TCF12: variants seen among roughly 807,000 people sequenced by gnomAD.
TCF12 encodes DNA-binding protein HTF4.
Under a neutral mutation model 86.0 loss-of-function variants are expected in TCF12, and 45 were observed. The ratio of observed to expected loss-of-function variants is 0.52; its 90% CI spans 0.41 to 0.67. The LOEUF is 0.67. Ranked by LOEUF, TCF12 falls within the 30% of genes least tolerant of loss-of-function variation. TCF12 has a pLI of 0.00. For synonymous variants in TCF12, 330 were observed against 299.6 expected (o/e 1.10, Z -1.05); for missense variants, 881 against 859.9 (o/e 1.02, Z -0.31).
At chr15:57,167,635 A>C (rs1416282462) in intron 6 of TCF12, among the ~76,000 whole-genome samples, 2 of 152,082 alleles carry the variant, frequency 1.3e-5, no homozygotes, top group Non-Finnish European at 2.9e-5. Flanking sequence ...GAGAGAGAAA[A>C]TAAATATATT....
chr15:57,173,985 C>T (rs769424147), intron 6 of TCF12, among the ~76,000 whole-genome samples: 3 of 152,044 alleles, frequency 2.0e-5, no homozygotes, highest in Admixed American at 6.6e-5. Context: ...GAATTACAGG[C>T]GTGAGCCACT....
intron 6 of TCF12, among the ~76,000 whole-genome samples, chr15:57,177,534 G>A (rs1336045611): frequency 6.6e-6 from 1 of 150,792 alleles, no homozygotes; most frequent in Non-Finnish European, 1.5e-5. Flanking sequence ...GCCTCTCAAA[G>A]TGTTGGGATT....
intron 5 of TCF12, among the ~76,000 whole-genome samples, chr15:57,157,605 C>G (rs1337264512): frequency 1.3e-5 from 2 of 150,972 alleles, no homozygotes; most frequent in African/African-American, 4.9e-5. Context: ...TGTCACCACC[C>G]AGGCTGGAGT....
At chr15:57,264,403 G>T (rs2060748333) in intron 18 of TCF12, among the ~76,000 whole-genome samples, 1 of 151,438 alleles carries the variant, frequency 6.6e-6, no homozygotes, top group African/African-American at 2.4e-5. Flanking sequence ...GTTTCACCAT[G>T]TTGGCCAGGC....
chr15:57,032,683 G>T (rs2066272935), intron 3 of TCF12, among the ~76,000 whole-genome samples: 1 of 152,172 alleles, frequency 6.6e-6, no homozygotes, highest in African/African-American at 2.4e-5. Context: ...GGGCTCAAGT[G>T]ATTCTCCCAC....
chr15:56,929,728 A>G (rs1323767663), intron 3 of TCF12, among the ~76,000 whole-genome samples: 9 of 152,196 alleles, frequency 5.9e-5, no homozygotes, highest in African/African-American at 2.2e-4. Flanking sequence ...GAGATAAGGT[A>G]CAGGACAGAA....
At chr15:57,113,891 G>A (rs997600787) in intron 5 of TCF12, among the ~76,000 whole-genome samples, 32 of 152,064 alleles carry the variant, frequency 2.1e-4, no homozygotes, top group Non-Finnish European at 2.9e-4. Flanking sequence ...AGGAGGTAGA[G>A]GCTGGAGTAA....
chr15:57,165,558 G>A (rs568434644), intron 5 of TCF12, among the ~76,000 whole-genome samples: 60 of 149,232 alleles, frequency 4.0e-4, no homozygotes, highest in African/African-American at 1.4e-3. Flanking sequence ...TTTTTTTGAG[G>A]CGGAGTCTTG....
At chr15:56,995,139 A>G (rs2063639349) in intron 3 of TCF12, among the ~76,000 whole-genome samples, 1 of 151,648 alleles carries the variant, frequency 6.6e-6, no homozygotes, top group Non-Finnish European at 1.5e-5. Context: ...GGTTAGAATT[A>G]CAATGGATAA....
chr15:57,084,704 T>C (rs2048515855), intron 4 of TCF12, among the ~76,000 whole-genome samples: 3 of 152,102 alleles, frequency 2.0e-5, no homozygotes. Flanking sequence ...TACTATCTAG[T>C]ATTTCACAAA....
At chr15:57,232,534 T>C in intron 10 of TCF12, 104 bp downstream of exon 10, 1 of 1,491,542 alleles carries the variant, frequency 6.7e-7, no homozygotes, top group Non-Finnish European at 9.0e-7. Context: ...CTTCTGAAGT[T>C]TGAAGTACTT....
chr15:57,122,180 T>C lies in TCF12; in HGVS notation c.325+30289T>C, dbSNP rs559697154. Among the ~76,000 whole-genome samples, 7 of 110,322 alleles carry C rather than the reference T, an allele frequency of 6.3e-5. No individual in the cohort carries two copies. In the East Asian group the frequency reaches 7.1e-4, roughly 11 times the overall value. 72.4% of individuals were successfully genotyped at this position (110,322 alleles called of 152,430 possible). A position where few individuals can be genotyped will look rare whatever the true frequency, so the allele number is the denominator to read the frequency against. ...CATCACCTCATTTTTAAAGTCTTGC[T>C]TGATTTTTTTTTTTCACATTTTTTT... On this transcript the variant is annotated intron_variant, in intron 5 of 20. Coordinates refer to ENST00000333725, the MANE Select transcript of TCF12 (RefSeq NM_207037.2).
chr15:56,978,014 A>C (rs894498341), intron 3 of TCF12, among the ~76,000 whole-genome samples: 3 of 152,228 alleles, frequency 2.0e-5, no homozygotes, highest in Non-Finnish European at 4.4e-5. Flanking sequence ...AAAATTAAAA[A>C]AGATAAAATA....
At chr15:56,944,679 A>G (rs1210029978) in intron 3 of TCF12, among the ~76,000 whole-genome samples, 1 of 152,182 alleles carries the variant, frequency 6.6e-6, no homozygotes, top group Admixed American at 6.6e-5. Flanking sequence ...TAGAATATTG[A>G]TTGTTCTGTG....
In TCF12 at chr15:57,074,257, A is replaced by C. The variant is rs532242151; in HGVS notation, c.222+10434A>C. Among the ~76,000 whole-genome samples, 119 of 152,104 alleles carry C rather than the reference A, an allele frequency of 7.8e-4. 1 individual carries two copies. The highest frequency in any genetic ancestry group is 2.7e-3 in the African/African-American group (112 of 41,484). ...GAGCTTTTTCTCATAGGAAGTGTGC[A>C]AGAATTAATAGAGGAAGTTTTATAC... On this transcript the variant is annotated intron_variant, in intron 4 of 20. Transcript: ENST00000333725.
chr15:57,081,459 A>T (rs1281090999), intron 4 of TCF12, among the ~76,000 whole-genome samples: 2 of 152,222 alleles, frequency 1.3e-5, no homozygotes, highest in Non-Finnish European at 2.9e-5. Flanking sequence ...GTAAAGATTA[A>T]ATGAATAAAG....
At chr15:57,264,194 G>GGTTTTTTTTTTTTTT (rs1567013145) in intron 18 of TCF12, among the ~76,000 whole-genome samples, 3 of 15,458 alleles carry the variant, frequency 1.9e-4, no homozygotes, top group Admixed American at 8.8e-4. Flanking sequence ...TCTTTTGTAA[G>GGTTTTTTTTTTTTTT]CTTTTTTTTT....
chr15:57,247,008 C>T, intron 13 of TCF12: 1 of 544,688 alleles, frequency 1.8e-6, no homozygotes. Flanking sequence ...ATGGGGAATG[C>T]CTGAGCTTCT....
At chr15:56,920,091 T>C (rs1363551658) in intron 2 of TCF12, 103 bp downstream of exon 2, 3 of 1,296,262 alleles carry the variant, frequency 2.3e-6, no homozygotes, top group Non-Finnish European at 2.2e-6. Context: ...ACGTGGAGAC[T>C]AGGCAGCGTG....
Sources: gnomAD v4.1 joint callset for allele counts (sites outside exome capture counted in the v4.1 genomes callset) on GRCh38, gnomAD v4.1.1 for gene constraint, MANE v1.5 for transcripts, NCBI Gene and HGNC (gene_info 2026-07-23, HGNC 2026-07-21) for gene names.